Variants in SUPT3H observed in about 807,000 individuals in gnomAD.
SUPT3H encodes the protein transcription initiation protein SPT3 homolog.
Under a neutral mutation model 44.3 loss-of-function variants are expected in SUPT3H, and 44 were observed. That is an observed-to-expected ratio of 0.99 (90% CI 0.78 to 1.28). The LOEUF (loss-of-function observed/expected upper bound fraction) is 1.28, where lower values mean the gene tolerates loss of function less well. Ranked by LOEUF, SUPT3H falls within the 50% of genes most tolerant of loss-of-function variation. The pLI is 0.00. For missense variants in SUPT3H, 380 were observed against 387.1 expected (o/e 0.98, Z 0.15); for synonymous variants, 124 against 125.6 (o/e 0.99, Z 0.09).
chr6:45,098,641 T>C, intron 3 of SUPT3H: 1 of 331,018 alleles, frequency 3.0e-6, no homozygotes. Context: ...CAGAAACAGA[T>C]AAGCATCTAA....
At chr6:45,058,633 T>C (rs1204957146) in intron 3 of SUPT3H, among the ~76,000 whole-genome samples, 2 of 152,136 alleles carry the variant, frequency 1.3e-5, no homozygotes, top group Non-Finnish European at 2.9e-5. Context: ...CAACCCTTCC[T>C]ACTAAAAGGA....
chr6:44,825,846 A>AT (rs1415038014), downstream of SUPT3H, among the ~76,000 whole-genome samples: 1 of 152,158 alleles, frequency 6.6e-6, no homozygotes, highest in Non-Finnish European at 1.5e-5. Flanking sequence ...AATAGTGAAT[A>AT]TTCAGTAGTG....
chr6:45,102,765 A>C (rs1469340830), intron 3 of SUPT3H, among the ~76,000 whole-genome samples: 1 of 151,986 alleles, frequency 6.6e-6, no homozygotes, highest in African/African-American at 2.4e-5. Flanking sequence ...ATATGGTGAA[A>C]CCTTGTCTCT....
chr6:45,223,155 G>A (rs190704889), intron 2 of SUPT3H, among the ~76,000 whole-genome samples: 5 of 152,042 alleles, frequency 3.3e-5, no homozygotes, highest in South Asian at 2.1e-4. Context: ...ACATGAAACC[G>A]TATGTGAGAA....
At chr6:45,361,186 AT>A (rs1224496799) in intron 2 of SUPT3H, among the ~76,000 whole-genome samples, 1 of 152,180 alleles carries the variant, frequency 6.6e-6, no homozygotes, top group Admixed American at 6.5e-5. Flanking sequence ...ATATAAGAAA[AT>A]TCTGATTAAA....
intron 2 of SUPT3H, among the ~76,000 whole-genome samples, chr6:45,165,757 C>A (rs1404437702): frequency 6.6e-6 from 1 of 151,454 alleles, no homozygotes; most frequent in Admixed American, 6.6e-5. Context: ...AAGGAAGAAT[C>A]CAAAAACATA....
chr6:45,202,595 C>A (rs1762602375), intron 2 of SUPT3H, among the ~76,000 whole-genome samples: 3 of 152,062 alleles, frequency 2.0e-5, no homozygotes, highest in South Asian at 2.1e-4. Context: ...ATAATTGTAT[C>A]CATAAACTTT....
At chr6:45,109,986 C>T (rs1799814513) in intron 2 of SUPT3H, among the ~76,000 whole-genome samples, 1 of 152,132 alleles carries the variant, frequency 6.6e-6, no homozygotes, top group African/African-American at 2.4e-5. Context: ...TGACTACCGT[C>T]CACTAAAGGT....
chr6:45,322,824 C>T lies in SUPT3H; in HGVS notation c.101+42377G>A. The T allele has an allele frequency of 2.1e-6, 3 of 1,447,016 alleles. No individual in the cohort carries two copies. The South Asian group carries it at 3.5e-5, about 17-fold the overall frequency. The allele number at this position is 1,447,016 out of a possible 1,614,324, so 89.6% of individuals were successfully genotyped here. On this transcript the variant is annotated intron_variant, in intron 2 of 10. Transcript: ENST00000371459. ...TATATTTTGGCAAGATGCACTTTCT[C>T]CAACCACAGTTAGATTCATCCAAAA...
chr6:44,933,522 C>T (rs1228216861), intron 9 of SUPT3H, among the ~76,000 whole-genome samples: 1 of 152,088 alleles, frequency 6.6e-6, no homozygotes, highest in Non-Finnish European at 1.5e-5. Flanking sequence ...CATAATATCT[C>T]GGGCCTCGGT....
chr6:45,315,811 A>G (rs1784587058), intron 2 of SUPT3H, among the ~76,000 whole-genome samples: 1 of 152,210 alleles, frequency 6.6e-6, no homozygotes, highest in African/African-American at 2.4e-5. Flanking sequence ...TCATTATTCT[A>G]AAAAGATACT....
intron 10 of SUPT3H, among the ~76,000 whole-genome samples, chr6:44,905,223 G>A (rs1243017040): frequency 6.6e-6 from 1 of 152,098 alleles, no homozygotes; most frequent in African/African-American, 2.4e-5. Context: ...TACCATCAGA[G>A]TGAACAGGCA....
At chr6:45,062,801 GAGGGTCCT>G (rs1792383742) in intron 3 of SUPT3H, among the ~76,000 whole-genome samples, 1 of 152,084 alleles carries the variant, frequency 6.6e-6, no homozygotes, top group South Asian at 2.1e-4. Context: ...ACCTGGCTTG[GAGGGTCCT>G]ACGCCCACGG....
chr6:45,318,816 T>C (rs945371624), intron 2 of SUPT3H, among the ~76,000 whole-genome samples: 1 of 152,100 alleles, frequency 6.6e-6, no homozygotes, highest in African/African-American at 2.4e-5. Flanking sequence ...TACCAAGAGA[T>C]AGTGAAATAA....
chr6:44,837,797 T>C (rs1057325762), intron 10 of SUPT3H, among the ~76,000 whole-genome samples: 3 of 152,258 alleles, frequency 2.0e-5, no homozygotes, highest in Non-Finnish European at 2.9e-5. Flanking sequence ...TTACCAAAAA[T>C]TATAATCAAC....
At chr6:44,935,867 T>C (rs192053430) in intron 9 of SUPT3H, among the ~76,000 whole-genome samples, 184 of 152,346 alleles carry the variant, frequency 1.2e-3, no homozygotes, top group East Asian at 2.7e-3. Flanking sequence ...GATCTCTCAC[T>C]GAACCTTTTT....
Position 45,176,314 on chromosome 6 carries a change from G to A in SUPT3H, c.102-70308C>T, listed in dbSNP as rs573543406. On this transcript the variant is annotated intron_variant, in intron 2 of 10. Transcript: ENST00000371459. Reference sequence around the variant, plus strand: ...TTTCCGAGTCAAAGAAAGGGGTGACGGACGCACCTGGAAAATCGGGTCACT... The same window carrying A: ...TTTCCGAGTCAAAGAAAGGGGTGACAGACGCACCTGGAAAATCGGGTCACT... Among the ~76,000 whole-genome samples, 67 of 151,864 alleles carry A rather than the reference G, an allele frequency of 4.4e-4. 1 individual carries two copies. The East Asian group carries it at 0.01, about 23-fold the overall frequency.
chr6:45,374,187 C>A (rs1239883279), intron 1 of SUPT3H, among the ~76,000 whole-genome samples: 1 of 152,056 alleles, frequency 6.6e-6, no homozygotes, highest in Non-Finnish European at 1.5e-5. Flanking sequence ...AAAGAATGTG[C>A]CAGAAAAGGG....
chr6:45,201,604 T>C (rs1453279539), intron 2 of SUPT3H, among the ~76,000 whole-genome samples: 1 of 151,876 alleles, frequency 6.6e-6, no homozygotes, highest in Non-Finnish European at 1.5e-5. Context: ...AGAATTTTTA[T>C]TACCCAGTAT....
Sources: gnomAD v4.1 joint callset for allele counts (sites outside exome capture counted in the v4.1 genomes callset) on GRCh38, gnomAD v4.1.1 for gene constraint, MANE v1.5 for transcripts, NCBI Gene and HGNC (gene_info 2026-07-23, HGNC 2026-07-21) for gene names.